The following ATRX variants were observed in gnomAD, a reference collection of about 807,000 sequenced individuals.
ATRX encodes chromatin remodeler ATRX.
A neutral mutation model predicts 172.6 loss-of-function variants in ATRX; 12 were observed. That is an observed-to-expected ratio of 0.07 (90% CI 0.04 to 0.11). The LOEUF (loss-of-function observed/expected upper bound fraction) is 0.11. Ranked by LOEUF, ATRX falls within the 10% of genes least tolerant of loss-of-function variation. ATRX has a pLI of 1.00. For missense variants in ATRX, 1,368 were observed against 1,767.4 expected (o/e 0.77, Z 4.05); for synonymous variants, 674 against 594.7 (o/e 1.13, Z -1.94).
intron 1 of ATRX, among the ~76,000 whole-genome samples, chrX:77,721,317 T>C (rs1251691553): frequency 9.0e-6 from 1 of 111,604 alleles, no homozygotes; most frequent in Non-Finnish European, 1.9e-5. Flanking sequence ...GTATTGTAAG[T>C]TCTGGCCAGG....
intron 1 of ATRX, among the ~76,000 whole-genome samples, chrX:77,722,821 C>T (rs1246838599): frequency 1.8e-5 from 2 of 111,507 alleles, no homozygotes; most frequent in East Asian, 2.8e-4. Flanking sequence ...TACCATTTGA[C>T]CCAGCCATCC....
At chrX:77,513,608 G>A (rs1055594910) in intron 34 of ATRX, among the ~76,000 whole-genome samples, 2 of 110,741 alleles carry the variant, frequency 1.8e-5, no homozygotes, top group African/African-American at 3.3e-5. Flanking sequence ...CTCTTGCCTC[G>A]GGCCTCTGGA....
chrX:77,673,720 C>T (rs1350345175), intron 10 of ATRX, among the ~76,000 whole-genome samples: 2 of 110,521 alleles, frequency 1.8e-5, no homozygotes, highest in African/African-American at 6.5e-5. Flanking sequence ...CCCCAAAAGC[C>T]ATCATAGCTT....
chrX:77,509,747 C>T (rs1175994835), intron 34 of ATRX, among the ~76,000 whole-genome samples: 1 of 111,109 alleles, frequency 9.0e-6, no homozygotes, highest in Admixed American at 9.5e-5. Flanking sequence ...CCAGCCACAG[C>T]CAGAGGGAAA....
intron 6 of ATRX, among the ~76,000 whole-genome samples, chrX:77,691,649 A>G (rs1431862371): frequency 9.0e-6 from 1 of 111,713 alleles, no homozygotes; most frequent in African/African-American, 3.3e-5. Flanking sequence ...AAGACTTTAT[A>G]TATTGTCTTA....
chrX:77,696,708 T>C lies in ATRX; in HGVS notation c.243-4A>G, dbSNP rs782131289. On this transcript the variant is annotated splice_polypyrimidine_tract_variant and splice_region_variant and intron_variant, in intron 4 of 34. Coordinates refer to ENST00000373344, the MANE Select transcript of ATRX (RefSeq NM_000489.6). ...CTTTGTTACAATTGAAGGTTTCCTA[T>C]GAAAGAATTAAGTTCATAGAATTAT... 3 of 1,190,945 alleles carry C rather than the reference T, an allele frequency of 2.5e-6. No individual in the cohort carries two copies. The highest frequency in any genetic ancestry group is 3.0e-5 in the East Asian group (1 of 33,645).
chrX:77,605,918 T>G (rs2066889041), intron 22 of ATRX, among the ~76,000 whole-genome samples: 1 of 111,245 alleles, frequency 9.0e-6, no homozygotes, highest in South Asian at 3.8e-4. Flanking sequence ...AAGGAGACAT[T>G]AAAACTGATA....
At position 77,655,788 on chromosome X, in the gene ATRX, C is replaced by T. The variant is rs45465202; in HGVS notation, c.4214+772G>A. Among the ~76,000 whole-genome samples, 825 of 109,772 alleles carry T rather than the reference C, an allele frequency of 7.5e-3. 13 individuals are homozygous for T. The highest frequency in any genetic ancestry group is 0.026 in the African/African-American group (784 of 30,321). On this transcript the variant is annotated intron_variant, in intron 13 of 34. Coordinates refer to ENST00000373344, the MANE Select transcript of ATRX (RefSeq NM_000489.6). The stretch of plus-strand genomic sequence containing the variant: ...ATATATTGCTATATTCTAAGCACAA[C>T]CTGGTAAGTATTAACCTAAAAAAAC...
rs182436404 is a variant in ATRX, at chrX:77,514,593, T to C, written c.7201-5964A>G. Among the ~76,000 whole-genome samples, 332 of 112,232 alleles carry C rather than the reference T, an allele frequency of 3.0e-3. 2 individuals are homozygous for C. The highest frequency in any genetic ancestry group is 5.3e-3 in the Non-Finnish European group (282 of 53,250). ...AACTGGACCCCCTCCTTACACACCA[T>C]ATACAAATATCAACTCAAGATGCAT... On this transcript the variant is annotated intron_variant, in intron 34 of 34. Transcript: ENST00000373344.
intron 30 of ATRX, among the ~76,000 whole-genome samples, chrX:77,549,327 G>A (rs1312309813): frequency 8.9e-6 from 1 of 112,016 alleles, no homozygotes; most frequent in African/African-American, 3.2e-5. Context: ...GGAGGTTGCA[G>A]TGAACTGAGA....
At chrX:77,576,898 T>G (rs1557070708) in intron 27 of ATRX, among the ~76,000 whole-genome samples, 1 of 111,963 alleles carries the variant, frequency 8.9e-6, no homozygotes, top group East Asian at 2.8e-4. Context: ...CTTAGATCAC[T>G]TGGCATATTG....
In ATRX at chrX:77,505,580, G is replaced by A. The variant is rs188467001; in HGVS notation, c.*2771C>T. 1 of 171,930 alleles carries A rather than the reference G, an allele frequency of 5.8e-6. No individual in the cohort carries two copies. The highest frequency in any genetic ancestry group is 3.0e-5 in the African/African-American group (1 of 33,637). 14.2% of individuals were successfully genotyped at this position (171,930 alleles called of 1,213,427 possible). ...ATAACAGATTCAATAACCAAACTTC[G>A]TGACCTCTCAATATTAAATAACTAA... On this transcript the variant is annotated 3_prime_UTR_variant, in exon 35 of 35. Coordinates refer to ENST00000373344, the MANE Select transcript of ATRX (RefSeq NM_000489.6).
chrX:77,665,743 A>C (rs1022395413), intron 10 of ATRX, among the ~76,000 whole-genome samples: 3 of 111,945 alleles, frequency 2.7e-5, no homozygotes, highest in African/African-American at 9.7e-5. Flanking sequence ...TAAATTCACA[A>C]ATCACGGTAA....
intron 6 of ATRX, among the ~76,000 whole-genome samples, chrX:77,689,288 T>C (rs1557145812): frequency 8.9e-6 from 1 of 112,136 alleles, no homozygotes; most frequent in Non-Finnish European, 1.9e-5. Context: ...AATGGGGAAG[T>C]AAGTAACATA....
At chrX:77,665,194 T>C (rs1164482783) in intron 10 of ATRX, among the ~76,000 whole-genome samples, 1 of 111,646 alleles carries the variant, frequency 9.0e-6, no homozygotes, top group African/African-American at 3.3e-5. Context: ...CCACGAGAGG[T>C]TTTATTCAAC....
intron 19 of ATRX, among the ~76,000 whole-genome samples, chrX:77,628,525 G>C (rs1260766948): frequency 8.9e-6 from 1 of 112,421 alleles, no homozygotes; most frequent in Admixed American, 9.4e-5. Flanking sequence ...AGATATTAGA[G>C]AGAAAAGTTG....
chrX:77,578,210 A>T (rs887673113), intron 27 of ATRX, among the ~76,000 whole-genome samples: 1 of 111,455 alleles, frequency 9.0e-6, no homozygotes, highest in Non-Finnish European at 1.9e-5. Flanking sequence ...CCTAAATAAA[A>T]CTGAAAGGCT....
chrX:77,718,174 T>A (rs1468763100), intron 1 of ATRX, among the ~76,000 whole-genome samples: 3 of 109,798 alleles, frequency 2.7e-5, no homozygotes, highest in Non-Finnish European at 5.7e-5. Flanking sequence ...TTCAGTAATT[T>A]ATCGAATATA....
intron 28 of ATRX, among the ~76,000 whole-genome samples, chrX:77,560,171 T>A (rs1279759771): frequency 9.0e-6 from 1 of 111,348 alleles, no homozygotes; most frequent in African/African-American, 3.3e-5. Flanking sequence ...TGTAAAACTA[T>A]CTGTTTTTTA....
Sources: allele counts gnomAD v4.1 joint callset (sites outside exome capture counted in the v4.1 genomes callset), GRCh38; gene constraint gnomAD v4.1.1; transcripts MANE v1.5; gene names NCBI Gene and HGNC (gene_info 2026-07-23, HGNC 2026-07-21).